Variants in DENND1A observed in about 807,000 individuals in gnomAD.
The protein encoded by DENND1A is DENN domain containing 1A.
In DENND1A, 51 loss-of-function variants were observed where a neutral mutation model predicts 113.7. That is an observed-to-expected ratio of 0.45 (90% CI 0.36 to 0.57). DENND1A has a LOEUF of 0.57. DENND1A is among the 20% of genes least tolerant of loss of function. The pLI, the probability that DENND1A is intolerant of heterozygous loss-of-function variation, is 0.00. For synonymous variants in DENND1A, 565 were observed against 570.8 expected (o/e 0.99, Z 0.14); for missense variants, 1,258 against 1,395.9 (o/e 0.90, Z 1.57).
At chr9:123,867,093 A>G (rs1590451928) in intron 2 of DENND1A, among the ~76,000 whole-genome samples, 1 of 152,310 alleles carries the variant, frequency 6.6e-6, no homozygotes, top group East Asian at 1.9e-4. Flanking sequence ...GGGCAAAGCA[A>G]GCTCACAGTG....
intron 5 of DENND1A, among the ~76,000 whole-genome samples, chr9:123,701,507 C>G (rs1473062539): frequency 6.6e-6 from 1 of 152,258 alleles, no homozygotes; most frequent in East Asian, 1.9e-4. Context: ...TCAGGCAGAC[C>G]TCTAGGGCCT....
chr9:123,910,817 G>A (rs1213610136), intron 1 of DENND1A, among the ~76,000 whole-genome samples: 1 of 152,158 alleles, frequency 6.6e-6, no homozygotes, highest in Non-Finnish European at 1.5e-5. Context: ...GCACACACCT[G>A]TAATCCCAGC....
intron 5 of DENND1A, among the ~76,000 whole-genome samples, chr9:123,740,899 T>TGTGA (rs1554727812): frequency 1.8e-5 from 2 of 108,940 alleles, no homozygotes; most frequent in East Asian, 5.3e-4. Flanking sequence ...GAAGGGAAAG[T>TGTGA]GAGAGAGAGA....
intron 19 of DENND1A, among the ~76,000 whole-genome samples, chr9:123,438,355 T>C (rs909376753): frequency 6.6e-6 from 1 of 152,218 alleles, no homozygotes; most frequent in Non-Finnish European, 1.5e-5. Context: ...ATAAGTGAGC[T>C]AGCTGGCAGT....
chr9:123,848,105 C>G (rs960473632), intron 2 of DENND1A, among the ~76,000 whole-genome samples: 6 of 151,452 alleles, frequency 4.0e-5, no homozygotes, highest in African/African-American at 1.2e-4. Context: ...AATATACAAT[C>G]TTGTATTGTC....
At chr9:123,433,591 A>T (rs1181539903) in intron 19 of DENND1A, among the ~76,000 whole-genome samples, 2 of 152,222 alleles carry the variant, frequency 1.3e-5, no homozygotes, top group East Asian at 3.8e-4. Context: ...CCACATCATC[A>T]TCTAACATTC....
chr9:123,752,325 C>A (rs1268394525), intron 5 of DENND1A, among the ~76,000 whole-genome samples: 1 of 152,040 alleles, frequency 6.6e-6, no homozygotes. Context: ...TACTCAGATA[C>A]TTTTTAATTG....
rs2063525926 is a variant in DENND1A at position 123,667,041 on chromosome 9, G to T, written c.492C>A (p.Pro164=). The T allele has an allele frequency of 2.5e-6, 4 of 1,596,738 alleles. No homozygotes were observed. In the African/African-American group the frequency reaches 5.4e-5, roughly 22 times the overall value. The part of the protein sequence containing the change: ...YFTVPDTREL[P]SIPENRNLTE... ...AAGTACTTACATTCTCAGGTATGCTGGGAAGTTCTCTGGTATCAGGCACAG... is the reference window on the plus strand; with the variant it reads ...AAGTACTTACATTCTCAGGTATGCTTGGAAGTTCTCTGGTATCAGGCACAG... Residue 164 remains proline (P), a synonymous_variant, in exon 8 of 24, where the codon CCC becomes CCA. Transcript: ENST00000394215.
intron 10 of DENND1A, 78 bp from the exon 11 acceptor site, chr9:123,609,559 T>G: frequency 9.8e-6 from 15 of 1,523,518 alleles, no homozygotes; most frequent in Non-Finnish European, 1.3e-5. Flanking sequence ...GTTCACTATT[T>G]GGAGAAAAAC....
intron 2 of DENND1A, among the ~76,000 whole-genome samples, chr9:123,832,791 C>A (rs138216860): frequency 5.2e-4 from 79 of 152,194 alleles, no homozygotes; most frequent in African/African-American, 1.6e-3. Flanking sequence ...TATATAACTC[C>A]ATGTATATAT....
At chr9:123,916,554 G>C (rs775673808) in intron 1 of DENND1A, among the ~76,000 whole-genome samples, 6 of 152,000 alleles carry the variant, frequency 3.9e-5, no homozygotes, top group Non-Finnish European at 7.4e-5. Context: ...TGTATTTTTA[G>C]TAGAGACGGG....
intron 2 of DENND1A, among the ~76,000 whole-genome samples, chr9:123,835,609 G>A (rs1480577935): frequency 2.1e-5 from 3 of 145,828 alleles, no homozygotes; most frequent in South Asian, 2.1e-4. Context: ...ACTACTATTC[G>A]TTTACCTAAC....
In DENND1A at chr9:123,667,013, C is replaced by G; in HGVS notation, c.507+13G>C. The G allele has an allele frequency of 6.3e-7, 1 of 1,579,952 alleles. No individual in the cohort carries two copies. The highest frequency in any genetic ancestry group is 1.4e-5 in the African/African-American group (1 of 72,560). On this transcript the variant is annotated intron_variant, in intron 8 of 23. Coordinates refer to ENST00000394215, the MANE Select transcript of DENND1A (RefSeq NM_001352964.2). ...AATAAAAATTTAATTTTTTCTTCTT[C>G]CCAAGTACTTACATTCTCAGGTATG...
intron 13 of DENND1A, among the ~76,000 whole-genome samples, chr9:123,468,775 T>G (rs750014081): frequency 6.6e-6 from 1 of 152,200 alleles, no homozygotes; most frequent in African/African-American, 2.4e-5. Context: ...CAGGCTTAGA[T>G]GACAATGACT....
chr9:123,387,353 C>G (rs769484399), intron 22 of DENND1A, among the ~76,000 whole-genome samples: 1 of 152,130 alleles, frequency 6.6e-6, no homozygotes. Flanking sequence ...AACTTAAACT[C>G]TGATTCCCAT....
intron 9 of DENND1A, among the ~76,000 whole-genome samples, chr9:123,636,369 T>C (rs969585439): frequency 1.3e-5 from 2 of 151,316 alleles, no homozygotes; most frequent in Admixed American, 6.6e-5. Flanking sequence ...CAGACTGGAG[T>C]GCAGTGGTGG....
chr9:123,384,825 G>A (rs1020990159), intron 22 of DENND1A, among the ~76,000 whole-genome samples: 9 of 152,126 alleles, frequency 5.9e-5, no homozygotes, highest in Non-Finnish European at 1.2e-4. Context: ...GTGCGTGCCT[G>A]TAGTCTCAGC....
At chr9:123,670,385 T>G (rs1489684657) in intron 7 of DENND1A, among the ~76,000 whole-genome samples, 2 of 152,200 alleles carry the variant, frequency 1.3e-5, no homozygotes, top group Non-Finnish European at 2.9e-5. Flanking sequence ...TGACAAGGGC[T>G]TGAGGGTTTG....
At chr9:123,732,108 A>G (rs1026536414) in intron 5 of DENND1A, among the ~76,000 whole-genome samples, 1 of 152,240 alleles carries the variant, frequency 6.6e-6, no homozygotes, top group Non-Finnish European at 1.5e-5. Flanking sequence ...AAAATGATAC[A>G]ACAACCACTT....
Sources: allele counts gnomAD v4.1 joint callset (sites outside exome capture counted in the v4.1 genomes callset), GRCh38; gene constraint gnomAD v4.1.1; transcripts MANE v1.5; gene names NCBI Gene and HGNC (gene_info 2026-07-23, HGNC 2026-07-21).